DCC: variants seen among roughly 807,000 people sequenced by gnomAD.
DCC encodes DCC netrin 1 receptor.
DCC carries 58 observed loss-of-function variants against 172.5 expected under a neutral mutation model. That is an observed-to-expected ratio of 0.34 (90% CI 0.27 to 0.42). The LOEUF (loss-of-function observed/expected upper bound fraction) is 0.42, where lower values mean the gene tolerates loss of function less well. DCC is among the 10% of genes least tolerant of loss of function. The probability of loss-of-function intolerance (pLI) is 1.00; values close to 1 mark genes in which losing one functional copy is unlikely to be tolerated. For synonymous variants in DCC, 709 were observed against 644.5 expected, an observed-to-expected ratio of 1.10 and a Z score of -1.52; for missense variants, 1,740 against 1,791.0, an observed-to-expected ratio of 0.97 and a Z score of 0.51.
At chr18:52,734,338 G>T (rs2036691815) in intron 1 of DCC, among the ~76,000 whole-genome samples, 2 of 152,092 alleles carry the variant, frequency 1.3e-5, no homozygotes, top group African/African-American at 4.8e-5. Flanking sequence ...CTTGAAATTA[G>T]TCAAAAGCAA....
intron 2 of DCC, among the ~76,000 whole-genome samples, chr18:52,766,562 G>A (rs528422794): frequency 6.6e-6 from 1 of 152,032 alleles, no homozygotes; most frequent in African/African-American, 2.4e-5. Flanking sequence ...AGTACAGTGT[G>A]GGGGAAGGGT....
At chr18:53,404,603 C>G (rs1318219385) in intron 19 of DCC, among the ~76,000 whole-genome samples, 13 of 151,918 alleles carry the variant, frequency 8.6e-5, no homozygotes, top group Non-Finnish European at 4.4e-5. Context: ...TGGTGGTGGG[C>G]ACCTGTAGTC....
At chr18:53,003,981 C>T (rs569506736) in intron 5 of DCC, among the ~76,000 whole-genome samples, 25 of 152,250 alleles carry the variant, frequency 1.6e-4, no homozygotes, top group Admixed American at 5.2e-4. Context: ...CAACTCTCAT[C>T]AATATTTCAC....
chr18:52,341,065 TG>T (rs989151285), intron 1 of DCC, among the ~76,000 whole-genome samples, 187 bp downstream of exon 1: 80 of 124,590 alleles, frequency 6.4e-4, no homozygotes, highest in African/African-American at 2.1e-3. Context: ...CGGATGATGG[TG>T]GGGGGGTGGT....
chr18:52,541,911 G>A (rs1300522893), intron 1 of DCC, among the ~76,000 whole-genome samples: 56 of 100,328 alleles, frequency 5.6e-4, no homozygotes, highest in South Asian at 1.2e-3. Context: ...ATATATATAT[G>A]TACACAATCC....
intron 12 of DCC, among the ~76,000 whole-genome samples, chr18:53,294,759 A>G (rs1183575459): frequency 6.6e-6 from 1 of 152,154 alleles, no homozygotes; most frequent in Non-Finnish European, 1.5e-5. Flanking sequence ...AATCTGAGAA[A>G]TTGTCCCAGG....
chr18:53,389,061 G>C (rs1908374444), intron 16 of DCC, among the ~76,000 whole-genome samples: 1 of 152,132 alleles, frequency 6.6e-6, no homozygotes, highest in South Asian at 2.1e-4. Context: ...TGGGTTTACA[G>C]GTGTGAGTCA....
intron 2 of DCC, among the ~76,000 whole-genome samples, chr18:52,800,632 A>G (rs2037967710): frequency 6.6e-6 from 1 of 151,742 alleles, no homozygotes; most frequent in Non-Finnish European, 1.5e-5. Flanking sequence ...TTCAACACCA[A>G]ACAGATGTTG....
At position 53,144,445 on chromosome 18, in the gene DCC, G is replaced by A. The variant is rs180856153; in HGVS notation, c.1262-12911G>A. ...CCTGGCAATCATGATGGAAGAGCAC[G>A]GGACATCTTACATGGCGGCAGGCAA... On this transcript the variant is annotated intron_variant, in intron 7 of 28. Transcript: ENST00000442544. Among the ~76,000 whole-genome samples, 8 of 152,118 alleles carry A rather than the reference G, an allele frequency of 5.3e-5. 1 individual carries two copies. The highest frequency in any genetic ancestry group is 1.7e-4 in the African/African-American group (7 of 41,430).
intron 8 of DCC, among the ~76,000 whole-genome samples, chr18:53,166,720 A>G (rs1568341747): frequency 6.6e-6 from 1 of 152,176 alleles, no homozygotes; most frequent in Non-Finnish European, 1.5e-5. Flanking sequence ...CAATTCAATA[A>G]AAAACAATTT....
intron 7 of DCC, among the ~76,000 whole-genome samples, chr18:53,090,539 A>G (rs1265588159): frequency 6.6e-6 from 1 of 151,004 alleles, no homozygotes; most frequent in Non-Finnish European, 1.5e-5. Flanking sequence ...TAACGATACA[A>G]AAAAATTAGC....
At chr18:53,512,208 C>T (rs2046265378) in intron 27 of DCC, among the ~76,000 whole-genome samples, 1 of 152,026 alleles carries the variant, frequency 6.6e-6, no homozygotes, top group Non-Finnish European at 1.5e-5. Context: ...CACACTGACA[C>T]CTCACACGGC....
intron 2 of DCC, among the ~76,000 whole-genome samples, chr18:52,859,456 T>C (rs1045199344): frequency 1.3e-5 from 2 of 152,158 alleles, no homozygotes; most frequent in Admixed American, 1.3e-4. Flanking sequence ...GTATACAATC[T>C]TGAGGTTACA....
At chr18:53,472,994 T>G (rs7228423) in intron 25 of DCC, among the ~76,000 whole-genome samples, 8,062 of 152,248 alleles carry the variant, frequency 0.053, 624 homozygotes, top group African/African-American at 0.17. Context: ...CTTCATTTGT[T>G]TTTTCCCTTT....
chr18:52,621,683 G>T (rs761535569), intron 1 of DCC, among the ~76,000 whole-genome samples: 27 of 152,258 alleles, frequency 1.8e-4, no homozygotes, highest in Non-Finnish European at 3.7e-4. Flanking sequence ...TAAACATGTT[G>T]GGTCTCTAGG....
chr18:53,483,682 T>A (rs1395658855), intron 25 of DCC, among the ~76,000 whole-genome samples: 1 of 151,912 alleles, frequency 6.6e-6, no homozygotes, highest in East Asian at 1.9e-4. Flanking sequence ...GCATAAAATT[T>A]ATATAAACCA....
chr18:52,421,308 G>A (rs1453350095), intron 1 of DCC, among the ~76,000 whole-genome samples: 2 of 152,162 alleles, frequency 1.3e-5, no homozygotes, highest in African/African-American at 2.4e-5. Context: ...AGGGCTGATG[G>A]TGGGTGGCTG....
intron 5 of DCC, among the ~76,000 whole-genome samples, chr18:53,046,063 T>C (rs1490239085): frequency 1.3e-5 from 2 of 151,878 alleles, no homozygotes; most frequent in Admixed American, 6.6e-5. Flanking sequence ...TCTCGTGTTA[T>C]CTTCAGGTAG....
At chr18:53,373,334 A>G (rs1568089461) in intron 15 of DCC, among the ~76,000 whole-genome samples, 1 of 151,788 alleles carries the variant, frequency 6.6e-6, no homozygotes, top group Non-Finnish European at 1.5e-5. Context: ...TAGCTTCTTG[A>G]CTCATTTATG....
Sources: allele counts gnomAD v4.1 joint callset (sites outside exome capture counted in the v4.1 genomes callset), GRCh38; gene constraint gnomAD v4.1.1; transcripts MANE v1.5; gene names NCBI Gene and HGNC (gene_info 2026-07-23, HGNC 2026-07-21).